The following CMYA5 variants were observed in gnomAD, a reference collection of about 807,000 sequenced individuals.
CMYA5 encodes cardiomyopathy associated 5.
A neutral mutation model predicts 318.9 loss-of-function variants in CMYA5; 246 were observed. The ratio of observed to expected loss-of-function variants is 0.77; its 90% CI spans 0.70 to 0.86. The LOEUF (loss-of-function observed/expected upper bound fraction) is 0.86. Among genes scored for constraint, CMYA5 ranks in the 40% least tolerant of loss-of-function variants. CMYA5 has a pLI of 0.00. For missense variants in CMYA5, 4,589 were observed against 4,678.2 expected (o/e 0.98, Z 0.56); for synonymous variants, 1,641 against 1,729.5 (o/e 0.95, Z 1.27).
intron 6 of CMYA5, among the ~76,000 whole-genome samples, chr5:79,757,704 A>G (rs997511600): frequency 6.6e-6 from 1 of 152,232 alleles, no homozygotes; most frequent in African/African-American, 2.4e-5. Flanking sequence ...GAATGATACA[A>G]CCTTGGCTAT....
At chr5:79,779,003 G>A (rs1315095942) in intron 9 of CMYA5, among the ~76,000 whole-genome samples, 37 of 91,704 alleles carry the variant, frequency 4.0e-4, no homozygotes, top group African/African-American at 1.9e-3. Flanking sequence ...ATGCTGGTGC[G>A]CTGCACCCAC....
intron 1 of CMYA5, among the ~76,000 whole-genome samples, chr5:79,727,689 A>C (rs1827776114): frequency 1.3e-5 from 2 of 152,206 alleles, no homozygotes; most frequent in Non-Finnish European, 2.9e-5. Flanking sequence ...GAGTAGGTAG[A>C]ATTTACAGTT....
At chr5:79,714,160 C>T (rs1827467546) in intron 1 of CMYA5, among the ~76,000 whole-genome samples, 1 of 152,104 alleles carries the variant, frequency 6.6e-6, no homozygotes, top group Non-Finnish European at 1.5e-5. Flanking sequence ...TGCAAAGGTG[C>T]CCCAAAGAAT....
In CMYA5 at chr5:79,729,316, C is replaced by T. The variant is rs765412906; in HGVS notation, c.551C>T (p.Ser184Leu). Reference sequence around the variant, plus strand: ...GTACTAACCACGGAGAAAGAGAAGTCATATACTGGCATTTATGATAAAGCA... The same window carrying T: ...GTACTAACCACGGAGAAAGAGAAGTTATATACTGGCATTTATGATAAAGCA... ...SQVLTTEKEK[S>L]YTGIYDKARK... Residue 184 changes from serine (S) to leucine (L), a missense_variant, in exon 2 of 13, where the codon TCA (serine) becomes TTA (leucine). Coordinates refer to ENST00000446378, the MANE Select transcript of CMYA5 (RefSeq NM_153610.5). 1 of 1,611,848 alleles carries T rather than the reference C, an allele frequency of 6.2e-7. No homozygotes were observed. The highest frequency in any genetic ancestry group is 1.1e-5 in the South Asian group (1 of 90,462).
chr5:79,716,888 T>G (rs1827529202), intron 1 of CMYA5, among the ~76,000 whole-genome samples: 1 of 152,242 alleles, frequency 6.6e-6, no homozygotes, highest in Non-Finnish European at 1.5e-5. Context: ...AAATCTATAG[T>G]GCAGACCAAA....
intron 5 of CMYA5, among the ~76,000 whole-genome samples, chr5:79,751,590 A>G (rs1383877758): frequency 7.2e-5 from 11 of 152,194 alleles, no homozygotes; most frequent in African/African-American, 2.2e-4. Flanking sequence ...TAAATCCACC[A>G]TCACTGAGAT....
intron 4 of CMYA5, 30 bp from the exon 5 acceptor site, chr5:79,747,061 C>A: frequency 7.9e-7 from 1 of 1,268,012 alleles, no homozygotes. Flanking sequence ...TCTCTCTTCT[C>A]CTCCTCCTTC....
intron 7 of CMYA5, 62 bp from the exon 8 acceptor site, chr5:79,761,749 G>A: frequency 6.6e-7 from 1 of 1,511,884 alleles, no homozygotes; most frequent in Non-Finnish European, 8.9e-7. Context: ...ACTTTCTCCA[G>A]TAACTATAAC....
chr5:79,706,132 T>C (rs1245527848), intron 1 of CMYA5, among the ~76,000 whole-genome samples: 1 of 152,178 alleles, frequency 6.6e-6, no homozygotes, highest in Non-Finnish European at 1.5e-5. Context: ...CACCGCCTTC[T>C]GGTCCTGCGA....
chr5:79,728,858 A>G, intron 1 of CMYA5, 57 bp from the exon 2 acceptor site: 1 of 778,390 alleles, frequency 1.3e-6, no homozygotes, highest in Non-Finnish European at 1.7e-6. Context: ...TACTTATTCT[A>G]TTAATTAGTA....
intron 9 of CMYA5, among the ~76,000 whole-genome samples, chr5:79,766,155 G>A (rs1168293620): frequency 6.6e-6 from 1 of 152,168 alleles, no homozygotes; most frequent in Admixed American, 6.5e-5. Flanking sequence ...CTGGAGTGCA[G>A]TGGTGTGATC....
Position 79,731,088 on chromosome 5 carries a change from T to A in CMYA5, c.2323T>A (p.Ser775Thr). The A allele has an allele frequency of 6.2e-7, 1 of 1,613,914 alleles. No homozygotes were observed. The highest frequency in any genetic ancestry group is 1.1e-5 in the South Asian group (1 of 91,076). ...GTCACCACTGCCTTCTACTGCCACA[T>A]CAGAACACGTGGTCCCATCAGAAGG... ...CQSPLPSTATSEHVVPSEGED... is the reference protein window; with the variant it reads ...CQSPLPSTATTEHVVPSEGED... The change falls in exon 2 of 13, where the codon TCA (serine) becomes ACA (threonine). Residue 775 changes from serine to threonine, a missense_variant. This residue lies in a region of CMYA5 where 2,132 missense variants were observed against 2,131.3 expected (regional missense o/e 1.00). Coordinates refer to ENST00000446378, the MANE Select transcript of CMYA5 (RefSeq NM_153610.5).
Position 79,789,081 on chromosome 5 carries a change from A to G in CMYA5, c.11666A>G (p.Glu3889Gly), listed in dbSNP as rs1355049083. The change falls in exon 10 of 13, where the codon GAA becomes GGA. Residue 3889 changes from glutamate to glycine, a missense_variant. Glu to Gly is a moderately conservative substitution (Grantham distance 98, BLOSUM62 -2). This residue lies in a region of CMYA5 where 2,431 missense variants were observed against 2,495.1 expected (regional missense o/e 0.97). Transcript: ENST00000446378. The stretch of plus-strand genomic sequence containing the variant: ...GCATTTGGGACAAGTGAACAGAGTG[A>G]AGCTGCTCTCATCTCCACCAGAGGT... ...INAFGTSEQS[E>G]AALISTRGTR... 7 of 1,613,970 alleles carry G rather than the reference A, an allele frequency of 4.3e-6. No homozygotes were observed. In the Middle Eastern group the frequency reaches 9.9e-4, roughly 228 times the overall value.
intron 5 of CMYA5, 61 bp downstream of exon 5, chr5:79,747,174 A>G (rs1828346300): frequency 6.7e-7 from 1 of 1,484,242 alleles, no homozygotes; most frequent in African/African-American, 1.4e-5. Flanking sequence ...GCTTTTTAAT[A>G]TTTTGGTGCT....
chr5:79,727,872 C>A (rs1292072948), intron 1 of CMYA5, among the ~76,000 whole-genome samples: 1 of 152,162 alleles, frequency 6.6e-6, no homozygotes, highest in Non-Finnish European at 1.5e-5. Context: ...GGATGAGAGA[C>A]CAGTCCACGG....
intron 7 of CMYA5, 64 bp from the exon 8 acceptor site, chr5:79,761,747 C>T: frequency 1.3e-6 from 2 of 1,498,988 alleles, no homozygotes; most frequent in Non-Finnish European, 1.8e-6. Context: ...TGACTTTCTC[C>T]AGTAACTATA....
intron 3 of CMYA5, 54 bp from the exon 4 acceptor site, chr5:79,745,168 A>AG: frequency 2.6e-6 from 3 of 1,165,634 alleles, no homozygotes; most frequent in East Asian, 2.6e-5. Flanking sequence ...AAAAAAAAAA[A>AG]GCAGCATTTC....
In CMYA5 at chr5:79,731,754, C is replaced by G. The variant is rs1827911505; in HGVS notation, c.2989C>G (p.Leu997Val). The G allele has an allele frequency of 2.5e-6, 4 of 1,613,654 alleles. No homozygotes were observed. Among genetic ancestry groups the G allele is most frequent in the South Asian group, 2.2e-5 (2 of 91,042 alleles). The change falls in exon 2 of 13, where the codon CTG (leucine) becomes GTG (valine). Residue 997 changes from leucine (L) to valine (V), a missense_variant. Transcript: ENST00000446378. ...LSDEDTEEAE[L>V]FSPDSASQVS... Reference sequence around the variant, plus strand: ...AGATGAAGACACTGAAGAAGCGGAACTGTTCTCTCCAGACTCAGCATCACA... The same window carrying G: ...AGATGAAGACACTGAAGAAGCGGAAGTGTTCTCTCCAGACTCAGCATCACA...
At position 79,734,694 on chromosome 5, in the gene CMYA5, A is replaced by G; in HGVS notation, c.5929A>G (p.Ser1977Gly). The change falls in exon 2 of 13, where the codon AGT (serine) becomes GGT (glycine). Residue 1977 changes from serine (S) to glycine (G), a missense_variant. Ser to Gly is a moderately conservative substitution (Grantham distance 56). Transcript: ENST00000446378. ...TSSGNTETLS[S>G]KSYSSEEVKL... ...CAGTGGTAATACAGAGACCTTATCA[A>G]GTAAAAGTTACTCTTCTGAAGAAGT... 1.9e-6 allele frequency: 3 copies of G among 1,613,880 alleles called. No homozygotes were observed. Among genetic ancestry groups the G allele is most frequent in the Non-Finnish European group, 2.5e-6 (3 of 1,179,822 alleles).
Sources: allele counts gnomAD v4.1 joint callset (sites outside exome capture counted in the v4.1 genomes callset), GRCh38; gene constraint gnomAD v4.1.1; regional missense constraint gnomAD v4.1.1; transcripts MANE v1.5; gene names NCBI Gene and HGNC (gene_info 2026-07-23, HGNC 2026-07-21).